The following XPO7 variants were observed in gnomAD, a reference collection of about 807,000 sequenced individuals.
XPO7 encodes the protein exportin-7.
XPO7 carries 21 observed loss-of-function variants against 144.3 expected under a neutral mutation model. The observed-to-expected ratio is 0.15, with a 90% CI of 0.10 to 0.21. The LOEUF (loss-of-function observed/expected upper bound fraction) is 0.21, where lower values mean the gene tolerates loss of function less well. Ranked by LOEUF, XPO7 falls within the 10% of genes least tolerant of loss-of-function variation. The pLI, the probability that XPO7 is intolerant of heterozygous loss-of-function variation, is 1.00. For synonymous variants in XPO7, 580 were observed against 499.6 expected (o/e 1.16, Z -2.15); for missense variants, 808 against 1,325.8 (o/e 0.61, Z 6.06).
intron 24 of XPO7, 93 bp from the exon 25 acceptor site, chr8:22,002,019 A>G: frequency 1.4e-6 from 2 of 1,450,938 alleles, no homozygotes; most frequent in Admixed American, 2.3e-5. Context: ...TGAATTGGCC[A>G]CGGTACCCTA....
intron 1 of XPO7, among the ~76,000 whole-genome samples, chr8:21,920,070 G>A (rs912959969): frequency 1.3e-5 from 2 of 151,932 alleles, no homozygotes; most frequent in African/African-American, 4.8e-5. Context: ...ACGTTCGTCA[G>A]TCACTGTCTT....
At chr8:21,941,277 C>T (rs892118462) in intron 1 of XPO7, among the ~76,000 whole-genome samples, 1 of 151,938 alleles carries the variant, frequency 6.6e-6, no homozygotes, top group Non-Finnish European at 1.5e-5. Context: ...CCTCGGTCTC[C>T]CTAGAAGGTG....
intron 1 of XPO7, among the ~76,000 whole-genome samples, chr8:21,929,296 G>C (rs901062338): frequency 1.3e-5 from 2 of 152,202 alleles, no homozygotes; most frequent in African/African-American, 4.8e-5. Context: ...CCTGGATGTC[G>C]ATAAAAATAA....
intron 1 of XPO7, among the ~76,000 whole-genome samples, chr8:21,956,422 T>A (rs1811536830): frequency 6.6e-6 from 1 of 152,198 alleles, no homozygotes; most frequent in Non-Finnish European, 1.5e-5. Context: ...TGTATTATGC[T>A]GGCATTGGGT....
At chr8:21,957,121 A>G (rs982771889) in intron 1 of XPO7, among the ~76,000 whole-genome samples, 3 of 151,156 alleles carry the variant, frequency 2.0e-5, no homozygotes, top group Non-Finnish European at 4.4e-5. Flanking sequence ...AAATCTTCCA[A>G]ACTCCTGCCT....
intron 20 of XPO7, 32 bp from the exon 21 acceptor site, chr8:21,995,460 T>C (rs754552980): frequency 8.4e-6 from 13 of 1,550,766 alleles, no homozygotes; most frequent in Non-Finnish European, 1.1e-5. Flanking sequence ...CTTTCTGGAA[T>C]CAGAAATCTT....
At chr8:21,937,016 G>A (rs1305003586) in intron 1 of XPO7, among the ~76,000 whole-genome samples, 2 of 152,148 alleles carry the variant, frequency 1.3e-5, no homozygotes, top group African/African-American at 2.4e-5. Flanking sequence ...TCAACCTTTA[G>A]ATCACTCTTA....
chr8:21,999,933 C>G (rs972026477), intron 24 of XPO7, among the ~76,000 whole-genome samples: 2 of 152,192 alleles, frequency 1.3e-5, no homozygotes, highest in Admixed American at 6.5e-5. Flanking sequence ...AGGGGCTTAT[C>G]TGGTGGGTAG....
At chr8:22,000,360 G>A (rs1364082873) in intron 24 of XPO7, among the ~76,000 whole-genome samples, 1 of 152,132 alleles carries the variant, frequency 6.6e-6, no homozygotes, top group Admixed American at 6.6e-5. Context: ...GTGGAAGCTG[G>A]GGAAAGGTTT....
chr8:21,930,823 A>G (rs1410384527), intron 1 of XPO7, among the ~76,000 whole-genome samples: 1 of 152,154 alleles, frequency 6.6e-6, no homozygotes. Context: ...GTGAAATTCC[A>G]TTTCAATAGC....
In XPO7 at chr8:21,958,266, G is replaced by A. The variant is rs576980004; in HGVS notation, c.19-8591G>A. ...TAAAGTCACCGAGAACACTGAATTA[G>A]CAAATACTGACCCATTGCTCCTAGG... On this transcript the variant is annotated intron_variant, in intron 1 of 27. Coordinates refer to ENST00000252512, the MANE Select transcript of XPO7 (RefSeq NM_015024.5). Among the ~76,000 whole-genome samples, 16 of 152,082 alleles carry A rather than the reference G, an allele frequency of 1.1e-4. No individual in the cohort carries two copies. The East Asian group carries it at 2.9e-3, about 28-fold the overall frequency.
At chr8:21,952,824 T>C (rs887758523) in intron 1 of XPO7, among the ~76,000 whole-genome samples, 3 of 152,184 alleles carry the variant, frequency 2.0e-5, no homozygotes. Context: ...AGATACAAAA[T>C]GTCATGTTTT....
intron 18 of XPO7, 54 bp from the exon 19 acceptor site, chr8:21,991,814 C>T (rs1812781493): frequency 7.0e-7 from 1 of 1,431,098 alleles, no homozygotes; most frequent in Non-Finnish European, 9.5e-7. Flanking sequence ...CCCATATATG[C>T]ACAGCTTTGA....
chr8:21,932,413 C>T (rs1178782152), intron 1 of XPO7, among the ~76,000 whole-genome samples: 1 of 151,990 alleles, frequency 6.6e-6, no homozygotes, highest in Non-Finnish European at 1.5e-5. Context: ...TTTTGTTTGT[C>T]AGAGGGTAAA....
Position 21,991,910 on chromosome 8 carries a change from C to T in XPO7, c.2084C>T (p.Thr695Ile). ...TATGAGCAGTTCATGCTGCCACTCA[C>T]AGCAGCATTTGAGGCTGTGGCCCAG... ...DQYEQFMLPL[T>I]AAFEAVAQMF... The change falls in exon 19 of 28, where the codon ACA becomes ATA. Residue 695 changes from threonine to isoleucine, a missense_variant. Transcript: ENST00000252512. 4 of 1,613,630 alleles carry T rather than the reference C, an allele frequency of 2.5e-6. No homozygotes were observed. Among genetic ancestry groups the T allele is most frequent in the Non-Finnish European group, 3.4e-6 (4 of 1,179,784 alleles).
At chr8:21,988,186 C>G (rs1224640610) in intron 15 of XPO7, among the ~76,000 whole-genome samples, 3 of 152,216 alleles carry the variant, frequency 2.0e-5, no homozygotes, top group Admixed American at 2.0e-4. Context: ...AGTTGCTGTG[C>G]TCCAGGGATG....
At chr8:21,972,391 C>T (rs1585455162) in intron 5 of XPO7, among the ~76,000 whole-genome samples, 1 of 152,188 alleles carries the variant, frequency 6.6e-6, no homozygotes, top group East Asian at 1.9e-4. Context: ...GCAGGAGAAT[C>T]GCTTGAACCC....
intron 5 of XPO7, among the ~76,000 whole-genome samples, chr8:21,972,168 C>A (rs1240462396): frequency 4.6e-5 from 7 of 151,076 alleles, no homozygotes; most frequent in African/African-American, 1.7e-4. Context: ...TCCCCTTTTC[C>A]ATCTTAGCTT....
At chr8:21,935,477 T>G (rs951744257) in intron 1 of XPO7, among the ~76,000 whole-genome samples, 3 of 152,232 alleles carry the variant, frequency 2.0e-5, no homozygotes, top group Non-Finnish European at 2.9e-5. Flanking sequence ...AGCTTGATGT[T>G]CAGGTATCTT....
Sources: allele counts gnomAD v4.1 joint callset (sites outside exome capture counted in the v4.1 genomes callset), GRCh38; gene constraint gnomAD v4.1.1; transcripts MANE v1.5; gene names NCBI Gene and HGNC (gene_info 2026-07-23, HGNC 2026-07-21).